The following SBNO2 variants were observed in gnomAD, a reference collection of about 807,000 sequenced individuals.
SBNO2 encodes strawberry notch homolog 2, also known as protein strawberry notch homolog 2.
In SBNO2, 89 loss-of-function variants were observed where a neutral mutation model predicts 146.3. The observed-to-expected ratio is 0.61, with a 90% CI of 0.51 to 0.73. The LOEUF is 0.73. Ranked by LOEUF, SBNO2 falls within the 30% of genes least tolerant of loss-of-function variation. SBNO2 has a pLI of 0.00. For missense variants in SBNO2, 2,092 were observed against 2,003.7 expected (o/e 1.04, Z -0.84); for synonymous variants, 1,147 against 892.6 (o/e 1.29, Z -5.08).
chr19:1,149,753 C>G (rs1233642300), intron 2 of SBNO2, among the ~76,000 whole-genome samples: 1 of 152,230 alleles, frequency 6.6e-6, no homozygotes, highest in African/African-American at 2.4e-5. Context: ...GAGTCTGCAT[C>G]TCACACAAGA....
chr19:1,119,981 T>C lies in SBNO2; in HGVS notation c.1192A>G (p.Thr398Ala). ...ECHKAKNAGSTKMGKAVLDLQ... is the reference protein window; with the variant it reads ...ECHKAKNAGSAKMGKAVLDLQ... ...TCTAGCACAGCCTTGCCCATCTTGG[T>C]GGAGCCGGCATTCTTGGCTTTGTGA... The change falls in exon 12 of 32, where the codon ACC (threonine) becomes GCC (alanine). Residue 398 changes from threonine to alanine, a missense_variant. By Grantham distance (58) the Thr-to-Ala change is moderately conservative. Coordinates refer to ENST00000361757, the MANE Select transcript of SBNO2 (RefSeq NM_014963.3). 6.4e-7 allele frequency: 1 copy of C among 1,551,440 alleles called. No homozygotes were observed. Among genetic ancestry groups the C allele is most frequent in the Non-Finnish European group, 8.7e-7 (1 of 1,147,258 alleles).
intron 1 of SBNO2, among the ~76,000 whole-genome samples, chr19:1,171,567 C>T (rs2080477955): frequency 1.3e-5 from 2 of 152,156 alleles, no homozygotes; most frequent in African/African-American, 4.8e-5. Flanking sequence ...TGGGAGGGGG[C>T]CTCTGGGAGC....
intron 16 of SBNO2, 95 bp downstream of exon 16, chr19:1,116,733 TG>T: frequency 9.0e-7 from 1 of 1,111,308 alleles, no homozygotes; most frequent in Non-Finnish European, 1.3e-6. Context: ...CTCCTGCTGC[TG>T]GGGCCAAGGG....
At chr19:1,142,314 G>A (rs957038996) in intron 4 of SBNO2, among the ~76,000 whole-genome samples, 2 of 79,244 alleles carry the variant, frequency 2.5e-5, no homozygotes, top group Non-Finnish European at 5.5e-5. Context: ...TCCCCAGGCC[G>A]TGAAGGCTCT....
intron 1 of SBNO2, among the ~76,000 whole-genome samples, chr19:1,155,552 G>A (rs1007722389): frequency 4.1e-4 from 63 of 152,326 alleles, no homozygotes; most frequent in African/African-American, 1.4e-3. Context: ...TTAGGGGAAG[G>A]GACAGGCCCG....
chr19:1,172,586 C>A (rs1010227406), intron 1 of SBNO2, among the ~76,000 whole-genome samples: 1 of 152,192 alleles, frequency 6.6e-6, no homozygotes, highest in Non-Finnish European at 1.5e-5. Context: ...AGCACAGCAC[C>A]CCTCAGTCAG....
At chr19:1,130,576 G>C (rs2145250581) in intron 4 of SBNO2, among the ~76,000 whole-genome samples, 1 of 152,144 alleles carries the variant, frequency 6.6e-6, no homozygotes, top group Non-Finnish European at 1.5e-5. Flanking sequence ...AGAATCACTT[G>C]AGCCCAGGAG....
Position 1,108,692 on chromosome 19 carries a change from G to A in SBNO2, c.3629C>T (p.Pro1210Leu). The A allele has an allele frequency of 1.9e-6, 3 of 1,546,634 alleles. No individual in the cohort carries two copies. Among genetic ancestry groups the A allele is most frequent in the Non-Finnish European group, 2.6e-6 (3 of 1,154,892 alleles). ...DRKKQVGIKIPEGCVRRVLQE... is the reference protein window; with the variant it reads ...DRKKQVGIKILEGCVRRVLQE... The stretch of plus-strand genomic sequence containing the variant: ...CAGCACCCGGCGCACGCAGCCCTCG[G>A]GGATCTTGATGCCTGCGGGCAGAGC... The change falls in exon 32 of 32, where the codon CCC (proline) becomes CTC (leucine). Residue 1210 changes from proline (P) to leucine (L), a missense_variant. By Grantham distance (98) the Pro-to-Leu change is moderately conservative (BLOSUM62 -3). Coordinates refer to ENST00000361757, the MANE Select transcript of SBNO2 (RefSeq NM_014963.3).
In SBNO2 at chr19:1,111,062, A is replaced by G. The variant is rs2079753130; in HGVS notation, c.2841T>C (p.Ile947=). 2 of 1,563,202 alleles carry G rather than the reference A, an allele frequency of 1.3e-6. No homozygotes were observed. The highest frequency in any genetic ancestry group is 1.4e-5 in the African/African-American group (1 of 73,526). The change falls in exon 25 of 32, where the codon ATT becomes ATC. Residue 947 remains isoleucine, a synonymous_variant. Coordinates refer to ENST00000361757, the MANE Select transcript of SBNO2 (RefSeq NM_014963.3). ...DMKQGLLSVG[I]GGRESRNGCL... is the part of the protein sequence containing the mutation. ...AGCCATTCCGGGACTCCCGGCCACC[A>G]ATGCCCACAGACAGCAGGCCCTGCT...
At position 1,136,440 on chromosome 19, in the gene SBNO2, G is replaced by T. The variant is rs1032949187; in HGVS notation, c.280-8675C>A. ...GCCGAACCCTGGCGCACAGCTTCCT[G>T]CTGAGTCTCCCTCTCTAAGGCTGTC... On this transcript the variant is annotated intron_variant, in intron 4 of 31. Transcript: ENST00000361757. This position sits in a 1 kb window ranked among gnomAD's most constrained non-coding sequence, Gnocchi z 4.2. Among the ~76,000 whole-genome samples the T allele has an allele frequency of 1.3e-5, 2 of 152,196 alleles. No homozygotes were observed. Among genetic ancestry groups the T allele is most frequent in the African/African-American group, 4.8e-5 (2 of 41,454 alleles).
chr19:1,160,413 A>C (rs913352056), intron 1 of SBNO2, among the ~76,000 whole-genome samples: 2 of 152,114 alleles, frequency 1.3e-5, no homozygotes, highest in Non-Finnish European at 2.9e-5. Flanking sequence ...CAGTATTACA[A>C]TGGCGGCCGC....
At chr19:1,148,329 A>C (rs1433934507) in intron 3 of SBNO2, among the ~76,000 whole-genome samples, 3 of 151,846 alleles carry the variant, frequency 2.0e-5, no homozygotes, top group African/African-American at 4.8e-5. Flanking sequence ...GCTGCTCCAC[A>C]ATCTCCTGGA....
Position 1,109,236 on chromosome 19 carries a change from C to G in SBNO2, c.3349-25G>C, listed in dbSNP as rs1240170229. 27 of 1,571,768 alleles carry G rather than the reference C, an allele frequency of 1.7e-5. No homozygotes were observed. Among genetic ancestry groups the G allele is most frequent in the Non-Finnish European group, 2.2e-5 (25 of 1,159,354 alleles). ...CCTAGGGACACAGGGCCGCATGAGC[C>G]TGGGCGGGGTCAGGGCCGGCAACCC... is the stretch of plus-strand genomic sequence containing the variant. On this transcript the variant is annotated intron_variant, in intron 29 of 31. Transcript: ENST00000361757. This position sits in a 1 kb window ranked among gnomAD's most constrained non-coding sequence, Gnocchi z 4.2.
intron 4 of SBNO2, among the ~76,000 whole-genome samples, chr19:1,146,538 G>C (rs2080191533): frequency 2.6e-5 from 4 of 152,030 alleles, no homozygotes; most frequent in Non-Finnish European, 5.9e-5. Flanking sequence ...AGCACCAGGT[G>C]ACCCTCGCTC....
In SBNO2 at chr19:1,147,370, G is replaced by C; in HGVS notation, c.218C>G (p.Thr73Ser). 6.4e-7 allele frequency: 1 copy of C among 1,551,834 alleles called. No homozygotes were observed. The highest frequency in any genetic ancestry group is 8.6e-7 in the Non-Finnish European group (1 of 1,156,472). ...GGCGGTGGCCACGGGGGCATAGCTGGTGTCTGGGCAGGGCTGGCTGCCGAG... is the reference window on the plus strand; with the variant it reads ...GGCGGTGGCCACGGGGGCATAGCTGCTGTCTGGGCAGGGCTGGCTGCCGAG... ...SFLGSQPCPD[T>S]SYAPVATASS... is the part of the protein sequence containing the mutation. Residue 73 changes from threonine (T) to serine (S), a missense_variant, in exon 4 of 32, where the codon ACC becomes AGC. Coordinates refer to ENST00000361757, the MANE Select transcript of SBNO2 (RefSeq NM_014963.3).
intron 4 of SBNO2, 92 bp from the exon 5 acceptor site, chr19:1,127,857 G>GC (rs2079984617): frequency 8.4e-7 from 1 of 1,188,990 alleles, no homozygotes; most frequent in Non-Finnish European, 1.2e-6. Flanking sequence ...AGACACCACG[G>GC]CCCTCCACAC....
intron 4 of SBNO2, among the ~76,000 whole-genome samples, chr19:1,139,125 G>C (rs1042204289): frequency 5.3e-5 from 8 of 152,366 alleles, no homozygotes; most frequent in African/African-American, 1.7e-4. Flanking sequence ...AAACAAGGTG[G>C]GGCCCCTTCA....
intron 1 of SBNO2, among the ~76,000 whole-genome samples, chr19:1,164,642 G>C (rs1422562271): frequency 2.9e-5 from 4 of 138,918 alleles, no homozygotes; most frequent in Non-Finnish European, 6.3e-5. Flanking sequence ...GGAGGAGGAG[G>C]AGGAACAGGA....
At chr19:1,162,926 G>T in intron 1 of SBNO2, among the ~76,000 whole-genome samples, 1 of 152,198 alleles carries the variant, frequency 6.6e-6, no homozygotes, top group East Asian at 1.9e-4. Flanking sequence ...GGGCTGCAGG[G>T]CCACCAATGT....
Sources: gnomAD v4.1 joint callset for allele counts (sites outside exome capture counted in the v4.1 genomes callset) on GRCh38, gnomAD v4.1.1 for gene constraint, Gnocchi (gnomAD v3.1) non-coding constraint, MANE v1.5 for transcripts, NCBI Gene and HGNC (gene_info 2026-07-23, HGNC 2026-07-21) for gene names.